FAT3: variants seen among roughly 807,000 people sequenced by gnomAD.
FAT3 encodes the protein FAT atypical cadherin 3, also known as protocadherin Fat 3.
In FAT3, 95 loss-of-function variants were observed where a neutral mutation model predicts 310.2. That is an observed-to-expected ratio of 0.31 (90% CI 0.26 to 0.36). The LOEUF is 0.36. Among genes scored for constraint, FAT3 ranks in the 10% least tolerant of loss-of-function variants. FAT3 has a pLI of 1.00. For synonymous variants in FAT3, 2,314 were observed against 2,192.9 expected (o/e 1.06, Z -1.54); for missense variants, 5,408 against 5,715.6 (o/e 0.95, Z 1.74).
At chr11:92,728,996 G>T (rs1945089093) in intron 4 of FAT3, among the ~76,000 whole-genome samples, 1 of 152,108 alleles carries the variant, frequency 6.6e-6, no homozygotes, top group Admixed American at 6.6e-5. Context: ...ATTAGGATTT[G>T]ATATATTTGG....
At chr11:92,793,807 A>G (rs1947096403) in intron 9 of FAT3, among the ~76,000 whole-genome samples, 1 of 152,206 alleles carries the variant, frequency 6.6e-6, no homozygotes, top group Admixed American at 6.5e-5. Flanking sequence ...CTTTCATGCC[A>G]GGGATGGAAA....
intron 2 of FAT3, among the ~76,000 whole-genome samples, chr11:92,486,814 C>G (rs1215689882): frequency 6.6e-6 from 1 of 152,126 alleles, no homozygotes; most frequent in East Asian, 1.9e-4. Context: ...TTCTGGGCAC[C>G]AAGAATTAGA....
intron 6 of FAT3, among the ~76,000 whole-genome samples, chr11:92,765,473 T>C (rs1460125694): frequency 6.7e-6 from 1 of 148,258 alleles, no homozygotes; most frequent in Non-Finnish European, 1.5e-5. Context: ...ATTCTGTTCT[T>C]TTTTTTTTCT....
intron 3 of FAT3, among the ~76,000 whole-genome samples, chr11:92,582,947 C>T (rs1431140645): frequency 1.3e-5 from 2 of 152,044 alleles, no homozygotes; most frequent in Non-Finnish European, 2.9e-5. Flanking sequence ...AGATAAAATA[C>T]ATTGTGCACG....
intron 3 of FAT3, among the ~76,000 whole-genome samples, chr11:92,536,965 C>A (rs762975616): frequency 6.6e-6 from 1 of 152,116 alleles, no homozygotes; most frequent in Non-Finnish European, 1.5e-5. Context: ...TAACAGTGGA[C>A]AAGTTTACTT....
chr11:92,653,519 G>T (rs1942464421), intron 3 of FAT3, among the ~76,000 whole-genome samples: 1 of 152,090 alleles, frequency 6.6e-6, no homozygotes. Flanking sequence ...TTCAGTAAAG[G>T]CTACCAAATC....
intron 3 of FAT3, among the ~76,000 whole-genome samples, chr11:92,541,020 A>G (rs989681681): frequency 6.6e-6 from 1 of 152,198 alleles, no homozygotes; most frequent in Admixed American, 6.6e-5. Flanking sequence ...CATAAGAAAT[A>G]TATTGGCAAT....
Position 92,834,850 on chromosome 11 carries a change from C to T in FAT3, c.9872-20C>T, listed in dbSNP as rs761690516. 2 of 1,563,814 alleles carry T rather than the reference C, an allele frequency of 1.3e-6. No homozygotes were observed. On this transcript the variant is annotated intron_variant, in intron 14 of 27. Coordinates refer to ENST00000525166, the MANE Select transcript of FAT3 (RefSeq NM_001367949.2). ...TGTTTTTTCCTAATGAAATATAAAG[C>T]TCCCCATTTTTCTTCAAAGGGGGTA...
At chr11:92,731,404 A>G (rs1281544125) in intron 4 of FAT3, among the ~76,000 whole-genome samples, 1 of 152,086 alleles carries the variant, frequency 6.6e-6, no homozygotes. Context: ...ATGACCCCAA[A>G]TGTTCAATAC....
intron 3 of FAT3, among the ~76,000 whole-genome samples, chr11:92,581,310 G>T (rs1450053808): frequency 6.6e-6 from 1 of 151,984 alleles, no homozygotes; most frequent in African/African-American, 2.4e-5. Context: ...CAGCTTCTCT[G>T]CCATGTCCTG....
chr11:92,337,601 T>C (rs1312090561), intron 1 of FAT3, among the ~76,000 whole-genome samples: 2 of 152,160 alleles, frequency 1.3e-5, no homozygotes, highest in Non-Finnish European at 2.9e-5. Flanking sequence ...CCAGCTAATT[T>C]TTGTATTTTT....
At chr11:92,577,876 C>A (rs7927413) in intron 3 of FAT3, among the ~76,000 whole-genome samples, 1 of 151,034 alleles carries the variant, frequency 6.6e-6, no homozygotes, top group African/African-American at 2.4e-5. Context: ...TTCTATTATG[C>A]CTTGTGGGAA....
At chr11:92,515,608 T>G (rs1183314550) in intron 2 of FAT3, among the ~76,000 whole-genome samples, 1 of 152,096 alleles carries the variant, frequency 6.6e-6, no homozygotes, top group Admixed American at 6.6e-5. Context: ...AGAAGAGAAT[T>G]TTATATTTAC....
Position 92,799,170 on chromosome 11 carries a change from G to A in FAT3, c.6157G>A (p.Val2053Met), listed in dbSNP as rs772353006. Residue 2053 changes from valine (V) to methionine (M), a missense_variant, in exon 10 of 28, where the codon GTG becomes ATG. Val to Met is a conservative substitution (Grantham distance 21, BLOSUM62 1). Transcript: ENST00000525166. ...DREEQELYEL[V>M]VEASRELDHL... Reference sequence around the variant, plus strand: ...TGAAGAACAAGAGTTATATGAGCTGGTGGTAGAAGCCAGCCGTGAGCTGGA... The same window carrying A: ...TGAAGAACAAGAGTTATATGAGCTGATGGTAGAAGCCAGCCGTGAGCTGGA... 1.2e-6 allele frequency: 2 copies of A among 1,613,974 alleles called. No individual in the cohort carries two copies. The highest frequency in any genetic ancestry group is 4.5e-5 in the East Asian group (2 of 44,864).
In FAT3 at chr11:92,844,589, A is replaced by T. The variant is rs1948639562; in HGVS notation, c.11222A>T (p.Lys3741Met). 1.2e-6 allele frequency: 2 copies of T among 1,613,952 alleles called. No homozygotes were observed. Among genetic ancestry groups the T allele is most frequent in the East Asian group, 4.5e-5 (2 of 44,886 alleles). Residue 3741 changes from lysine (K) to methionine (M), a missense_variant, in exon 19 of 28, where the codon AAG becomes ATG. Lys to Met is a moderately conservative substitution (Grantham distance 95). Transcript: ENST00000525166. ...NIMRISAILE[K>M]NCSGLDCQEQ... ...ATGCGCATCTCAGCCATCTTGGAGAAGAACTGCTCAGGGCTGGACTGTCAG... is the reference window on the plus strand; with the variant it reads ...ATGCGCATCTCAGCCATCTTGGAGATGAACTGCTCAGGGCTGGACTGTCAG...
intron 2 of FAT3, among the ~76,000 whole-genome samples, chr11:92,468,055 G>A (rs1020703792): frequency 4.3e-4 from 65 of 152,178 alleles, no homozygotes; most frequent in Non-Finnish European, 7.3e-5. Context: ...TAAGATGTCA[G>A]CGGCAAAACA....
At chr11:92,323,688 C>T (rs980502645) in intron 1 of FAT3, among the ~76,000 whole-genome samples, 3 of 149,130 alleles carry the variant, frequency 2.0e-5, no homozygotes, top group African/African-American at 2.5e-5. Flanking sequence ...TTTGTTCTAT[C>T]GACAGTGAAC....
intron 1 of FAT3, among the ~76,000 whole-genome samples, chr11:92,340,731 A>G (rs1164722664): frequency 1.4e-4 from 22 of 152,094 alleles, no homozygotes; most frequent in Non-Finnish European, 1.5e-5. Flanking sequence ...GGGTAGTCCC[A>G]TGTGGTGATT....
rs1435090483 is a variant in FAT3 at position 92,890,473 on chromosome 11, A to G, written c.13148-18A>G. On this transcript the variant is annotated intron_variant, in intron 27 of 27. Transcript: ENST00000525166. ...TCCAGTCTAGAGGAAATTAACTGTC[A>G]TGGTTTTTCTCTTGCAGCCTATCAC... 1.3e-6 allele frequency: 2 copies of G among 1,595,394 alleles called. No individual in the cohort carries two copies. The highest frequency in any genetic ancestry group is 1.1e-5 in the South Asian group (1 of 88,562).
Sources: allele counts gnomAD v4.1 joint callset (sites outside exome capture counted in the v4.1 genomes callset), GRCh38; gene constraint gnomAD v4.1.1; transcripts MANE v1.5; gene names NCBI Gene and HGNC (gene_info 2026-07-23, HGNC 2026-07-21).